The following EIF2B3 variants were observed in gnomAD, a reference collection of about 807,000 sequenced individuals.
The protein encoded by EIF2B3 is eukaryotic translation initiation factor 2B subunit gamma.
EIF2B3 carries 20 observed loss-of-function variants against 54.1 expected under a neutral mutation model. The ratio of observed to expected loss-of-function variants is 0.37; its 90% CI spans 0.26 to 0.54. The LOEUF is 0.54. EIF2B3 is among the 20% of genes least tolerant of loss of function. The pLI is 0.86. For missense variants in EIF2B3, 448 were observed against 547.8 expected, an observed-to-expected ratio of 0.82 and a Z score of 1.82; for synonymous variants, 153 against 188.1, an observed-to-expected ratio of 0.81 and a Z score of 1.52.
intron 3 of EIF2B3, among the ~76,000 whole-genome samples, chr1:44,971,725 G>C (rs534641275): frequency 6.5e-4 from 99 of 152,182 alleles, no homozygotes; most frequent in Non-Finnish European, 1.3e-3. Context: ...ATGCTTATTG[G>C]GATGACTACT....
At chr1:44,920,098 G>C (rs1047509103) in intron 5 of EIF2B3, among the ~76,000 whole-genome samples, 4 of 149,316 alleles carry the variant, frequency 2.7e-5, no homozygotes, top group African/African-American at 9.9e-5. Context: ...GCAATGATGC[G>C]ATCTAGGCTC....
intron 5 of EIF2B3, among the ~76,000 whole-genome samples, chr1:44,925,902 C>A (rs1463728167): frequency 7.0e-6 from 1 of 142,914 alleles, no homozygotes; most frequent in Non-Finnish European, 1.5e-5. Flanking sequence ...CCAGCCTGGG[C>A]AACAGAGCAA....
At chr1:44,981,817 G>C (rs1360407078) in intron 1 of EIF2B3, among the ~76,000 whole-genome samples, 1 of 151,690 alleles carries the variant, frequency 6.6e-6, no homozygotes, top group Admixed American at 6.6e-5. Context: ...TGTGCCTATG[G>C]TTCCAGCTAC....
chr1:44,868,416 A>G (rs984453875), intron 10 of EIF2B3, among the ~76,000 whole-genome samples: 3 of 151,292 alleles, frequency 2.0e-5, no homozygotes, highest in African/African-American at 7.3e-5. Context: ...AAAAAAAAAA[A>G]AAAAAGAAAG....
At chr1:44,871,507 T>C (rs1376372957) in intron 10 of EIF2B3, among the ~76,000 whole-genome samples, 1 of 152,246 alleles carries the variant, frequency 6.6e-6, no homozygotes, top group African/African-American at 2.4e-5. Flanking sequence ...TCTGCATGTA[T>C]AGCCTTGTCT....
intron 3 of EIF2B3, among the ~76,000 whole-genome samples, chr1:44,955,993 A>G (rs1315358783): frequency 6.6e-6 from 1 of 152,168 alleles, no homozygotes; most frequent in Admixed American, 6.6e-5. Context: ...ATACCATTTG[A>G]CCCAGCAATC....
chr1:44,868,239 A>G (rs1573689419), intron 10 of EIF2B3, among the ~76,000 whole-genome samples: 2 of 152,058 alleles, frequency 1.3e-5, no homozygotes, highest in East Asian at 1.9e-4. Context: ...TCTACTAAAA[A>G]TACAAAAAAT....
In EIF2B3 at chr1:44,856,707, T is replaced by C. The variant is rs534504077; in HGVS notation, c.1306+997A>G. On this transcript the variant is annotated intron_variant, in intron 11 of 11. Coordinates refer to ENST00000360403, the MANE Select transcript of EIF2B3 (RefSeq NM_020365.5). ...GAAGAAACTGAAGAAGGAAATGATG[T>C]GGCGTCTACAGAGTTGGTGGGGTTA... 4.5e-3 allele frequency among the ~76,000 whole-genome samples: 685 copies of C among 152,252 alleles called. 3 individuals carry two copies. Among genetic ancestry groups the C allele is most frequent in the Non-Finnish European group, 7.6e-3 (515 of 68,018 alleles).
At chr1:44,908,359 C>T (rs976854912) in intron 5 of EIF2B3, among the ~76,000 whole-genome samples, 4 of 152,096 alleles carry the variant, frequency 2.6e-5, no homozygotes, top group Admixed American at 1.3e-4. Flanking sequence ...GGAAGAAGCA[C>T]GGTTCTGCCT....
intron 10 of EIF2B3, among the ~76,000 whole-genome samples, chr1:44,872,822 A>G (rs917434706): frequency 1.3e-5 from 2 of 152,228 alleles, no homozygotes; most frequent in African/African-American, 4.8e-5. Flanking sequence ...CTTACTGCAC[A>G]TAGTATAAAT....
At chr1:44,900,652 A>C (rs866799749) in intron 5 of EIF2B3, among the ~76,000 whole-genome samples, 1 of 152,036 alleles carries the variant, frequency 6.6e-6, no homozygotes, top group Non-Finnish European at 1.5e-5. Context: ...ATAATAATTT[A>C]AAAAAAACCA....
At chr1:44,890,643 GT>G (rs918359986) in intron 6 of EIF2B3, among the ~76,000 whole-genome samples, 1 of 151,908 alleles carries the variant, frequency 6.6e-6, no homozygotes, top group African/African-American at 2.4e-5. Flanking sequence ...AAGCATATAT[GT>G]TTTTTTTCCC....
At chr1:44,859,660 A>G (rs1188674183) in intron 10 of EIF2B3, among the ~76,000 whole-genome samples, 2 of 150,212 alleles carry the variant, frequency 1.3e-5, no homozygotes, top group Non-Finnish European at 3.0e-5. Flanking sequence ...CTCTATCTCC[A>G]AAAAAAAAGA....
chr1:44,937,612 G>A (rs1314809177), intron 4 of EIF2B3, among the ~76,000 whole-genome samples: 2 of 151,338 alleles, frequency 1.3e-5, no homozygotes, highest in South Asian at 4.2e-4. Context: ...GACCGGGCGC[G>A]GTGGCTCACG....
Position 44,875,666 on chromosome 1 carries a change from T to C in EIF2B3, c.1005A>G (p.Pro335=), listed in dbSNP as rs1655101038. 6.2e-7 allele frequency: 1 copy of C among 1,614,086 alleles called. No individual in the cohort carries two copies. The part of the protein sequence containing the change: ...QVPKLLSALC[P]EEPPVHSSAQ... ...CTGACGAATGGACTGGTGGTTCTTCTGGACAGAGAGCAGACAGCAATTTGG... is the reference window on the plus strand; with the variant it reads ...CTGACGAATGGACTGGTGGTTCTTCCGGACAGAGAGCAGACAGCAATTTGG... Residue 335 remains proline (P), a synonymous_variant, in exon 9 of 12, where the codon CCA becomes CCG. Coordinates refer to ENST00000360403, the MANE Select transcript of EIF2B3 (RefSeq NM_020365.5).
rs747128213 is a variant in EIF2B3 at position 44,879,864 on chromosome 1, C to T, written c.929G>A (p.Cys310Tyr). 2 of 1,614,172 alleles carry T rather than the reference C, an allele frequency of 1.2e-6. No homozygotes were observed. Among genetic ancestry groups the T allele is most frequent in the Admixed American group, 1.7e-5 (1 of 60,010 alleles). Residue 310 changes from cysteine to tyrosine, a missense_variant, in exon 8 of 12, where the codon TGC becomes TAC. This residue lies in a region of EIF2B3 where 350 missense variants were observed against 414.2 expected (regional missense o/e 0.85). Coordinates refer to ENST00000360403, the MANE Select transcript of EIF2B3 (RefSeq NM_020365.5). ...GAGTCCCAGTGTGCTCACTCGAGAG[C>T]AGAGCCCCTCTTTCATGATGTGGAC... ...CYVHIMKEGL[C>Y]SRVSTLGLYM...
intron 10 of EIF2B3, among the ~76,000 whole-genome samples, chr1:44,870,175 AAAGAG>A (rs1169494146): frequency 9.8e-6 from 1 of 102,416 alleles, no homozygotes; most frequent in African/African-American, 5.0e-5. Flanking sequence ...CCGTCTCAAA[AAAGAG>A]AGAGAGAGAG....
intron 10 of EIF2B3, among the ~76,000 whole-genome samples, chr1:44,866,448 G>A (rs1654783026): frequency 6.6e-6 from 1 of 151,810 alleles, no homozygotes; most frequent in Admixed American, 6.6e-5. Flanking sequence ...TAGTCTAGTT[G>A]AAGAGGGAAG....
rs114364432 is a variant in EIF2B3 at position 44,947,276 on chromosome 1, T to C, written c.295-5611A>G. On this transcript the variant is annotated intron_variant, in intron 3 of 11. Transcript: ENST00000360403. ...GCAAGGTTTCAAGGGAAGGCAGCAC[T>C]TTAGTGTTTAAAGTGTCCAAAACAC... is the stretch of plus-strand genomic sequence containing the variant. Among the ~76,000 whole-genome samples, 756 of 152,058 alleles carry C rather than the reference T, an allele frequency of 5.0e-3. 4 individuals carry two copies. Among genetic ancestry groups the C allele is most frequent in the East Asian group, 7.9e-3 (41 of 5,176 alleles).
Sources: gnomAD v4.1 joint callset for allele counts (sites outside exome capture counted in the v4.1 genomes callset) on GRCh38, gnomAD v4.1.1 for gene constraint, gnomAD v4.1.1 regional missense constraint, MANE v1.5 for transcripts, NCBI Gene and HGNC (gene_info 2026-07-23, HGNC 2026-07-21) for gene names.